The following APOB variants were observed in gnomAD, a reference collection of about 807,000 sequenced individuals.
The protein encoded by APOB is apolipoprotein B, also known as apolipoprotein B-100.
Under a neutral mutation model 314.1 loss-of-function variants are expected in APOB, and 153 were observed. The observed-to-expected ratio is 0.49, with a 90% confidence interval of 0.43 to 0.56. APOB has a LOEUF of 0.56. APOB is among the 20% of genes least tolerant of loss of function. The probability of loss-of-function intolerance (pLI) is 0.00; values close to 1 mark genes in which losing one functional copy is unlikely to be tolerated. For synonymous variants in APOB, 2,087 were observed against 2,036.4 expected (o/e 1.02, Z -0.67); for missense variants, 5,430 against 5,350.7 (o/e 1.01, Z -0.46).
chr2:21,017,508 G>A (rs1403954499), intron 20 of APOB, among the ~76,000 whole-genome samples: 7 of 152,166 alleles, frequency 4.6e-5, no homozygotes, highest in South Asian at 2.1e-4. Context: ...TTGGAGCCAC[G>A]CTGAGTTCTG....
intron 5 of APOB, 55 bp downstream of exon 5, chr2:21,037,902 CT>C (rs1664044616): frequency 6.2e-7 from 1 of 1,602,658 alleles, no homozygotes; most frequent in African/African-American, 1.3e-5. Flanking sequence ...GGACTGGTCT[CT>C]AACACATGAA....
rs564030306 is a variant in APOB at position 21,023,012 on chromosome 2, C to T, written c.2635G>A (p.Val879Met). The change falls in exon 18 of 29, where the codon GTG becomes ATG. Residue 879 changes from valine (V) to methionine (M), a missense_variant. Physicochemically the swap from Val to Met is conservative, Grantham distance 21 (BLOSUM62 1). Coordinates refer to ENST00000233242, the MANE Select transcript of APOB (RefSeq NM_000384.3). ...MQAELVAKPS[V>M]SVEFVTNMGI... ...ATATTTGTCACAAACTCCACAGACACGGAGGGTTTTGCCACCAGTTCAGCC... is the reference window on the plus strand; with the variant it reads ...ATATTTGTCACAAACTCCACAGACATGGAGGGTTTTGCCACCAGTTCAGCC... 32 of 1,614,150 alleles carry T rather than the reference C, an allele frequency of 2.0e-5. No homozygotes were observed. The South Asian group carries it at 2.1e-4, about 11-fold the overall frequency.
intron 14 of APOB, 60 bp downstream of exon 14, chr2:21,027,768 A>T (rs1249073087): frequency 3.0e-6 from 4 of 1,314,808 alleles, no homozygotes; most frequent in South Asian, 1.2e-5. Flanking sequence ...GCTCCCAGGG[A>T]CTCTCTGTTT....
chr2:21,015,471 T>A lies in APOB; in HGVS notation c.3407A>T (p.Glu1136Val). 1 of 1,614,132 alleles carries A rather than the reference T, an allele frequency of 6.2e-7. No homozygotes were observed. Among genetic ancestry groups the A allele is most frequent in the Non-Finnish European group, 8.5e-7 (1 of 1,180,032 alleles). Reference sequence around the variant, plus strand: ...GGCAGGCGACCAGTGGGCGAGGATCTCACTTCTGGCTTCTGCTTGCAAACG... The same window carrying A: ...GGCAGGCGACCAGTGGGCGAGGATCACACTTCTGGCTTCTGCTTGCAAACG... ...IPRLQAEARS[E>V]ILAHWSPAKL... is the part of the protein sequence containing the mutation. The change falls in exon 22 of 29, where the codon GAG becomes GTG. Residue 1136 changes from glutamate (E) to valine (V), a missense_variant. Physicochemically the swap from Glu to Val is moderately radical, Grantham distance 121. This residue lies in a region of APOB where 2,085 missense variants were observed against 2,079.7 expected (regional missense o/e 1.00). Transcript: ENST00000233242.
Position 21,002,765 on chromosome 2 carries a change from C to G in APOB, c.12657G>C (p.Met4219Ile). The change falls in exon 29 of 29, where the codon ATG becomes ATC. Residue 4219 changes from methionine (M) to isoleucine (I), a missense_variant. This residue lies in a region of APOB where 3,281 missense variants were observed against 3,171.0 expected (regional missense o/e 1.03). Transcript: ENST00000233242. ...GTACCGTCCCTACCTCCCTTATGAA[C>G]ATAGTGCAAAGTTCCTCCCTAGTGT... The part of the protein sequence containing the change: ...GIYTREELCT[M>I]FIREVGTVLS... 6.2e-7 allele frequency: 1 copy of G among 1,608,468 alleles called. No homozygotes were observed. Among genetic ancestry groups the G allele is most frequent in the East Asian group, 2.2e-5 (1 of 44,788 alleles).
rs199893862 is a variant in APOB at position 21,019,808 on chromosome 2, C to T, written c.2914G>A (p.Gly972Ser). The T allele has an allele frequency of 1.2e-4, 193 of 1,614,002 alleles. No homozygotes were observed. The highest frequency in any genetic ancestry group is 3.0e-4 in the Admixed American group (18 of 60,002). The change falls in exon 19 of 29, where the codon GGC (glycine) becomes AGC (serine). Residue 972 changes from glycine (G) to serine (S), a missense_variant. Around this residue, in one of 3 missense-constraint regions of APOB, gnomAD observed 2,085 missense variants for 2,079.7 expected, o/e 1.00. Coordinates refer to ENST00000233242, the MANE Select transcript of APOB (RefSeq NM_000384.3). ...GCGCCTGAGGTGCAGTAATTCAGGCCAGGAAAGACTTGCTTGCAAACTGAC... is the reference window on the plus strand; with the variant it reads ...GCGCCTGAGGTGCAGTAATTCAGGCTAGGAAAGACTTGCTTGCAAACTGAC... ...SWSVCKQVFP[G>S]LNYCTSGAYS...
At chr2:21,016,821 A>G (rs1174062017) in intron 20 of APOB, among the ~76,000 whole-genome samples, 172 bp from the exon 21 acceptor site, 1 of 151,960 alleles carries the variant, frequency 6.6e-6, no homozygotes, top group South Asian at 2.1e-4. Flanking sequence ...CGTCTCTACT[A>G]AAAATACAAA....
In APOB at chr2:21,013,157, C is replaced by T. The variant is rs1663374318; in HGVS notation, c.4216+3G>A. ...GTGCACCCTTTACCTGAGCATAGCTCACCTTGCACATTGTAGGAAAGCAGG... is the reference window on the plus strand; with the variant it reads ...GTGCACCCTTTACCTGAGCATAGCTTACCTTGCACATTGTAGGAAAGCAGG... On this transcript the variant is annotated splice_donor_region_variant and intron_variant, in intron 25 of 28. Coordinates refer to ENST00000233242, the MANE Select transcript of APOB (RefSeq NM_000384.3). 6.2e-7 allele frequency: 1 copy of T among 1,613,450 alleles called. No individual in the cohort carries two copies.
At chr2:21,036,432 G>A (rs1389612573) in intron 6 of APOB, among the ~76,000 whole-genome samples, 3 of 152,220 alleles carry the variant, frequency 2.0e-5, no homozygotes, top group African/African-American at 7.2e-5. Flanking sequence ...GCATGACAGT[G>A]ATTGCCCAAG....
At chr2:21,018,738 T>C (rs1663532536) in intron 20 of APOB, among the ~76,000 whole-genome samples, 1 of 152,202 alleles carries the variant, frequency 6.6e-6, no homozygotes, top group South Asian at 2.1e-4. Flanking sequence ...ATTCCAAATA[T>C]TAACTTGTTT....
In APOB at chr2:21,006,965, T is replaced by G. The variant is rs748780242; in HGVS notation, c.9903A>C (p.Ser3301=). 4 of 1,614,020 alleles carry G rather than the reference T, an allele frequency of 2.5e-6. No individual in the cohort carries two copies. The East Asian group carries it at 8.9e-5, about 36-fold the overall frequency. Residue 3301 remains serine (S), a synonymous_variant, in exon 26 of 29, where the codon TCA becomes TCC. Coordinates refer to ENST00000233242, the MANE Select transcript of APOB (RefSeq NM_000384.3). ...GGACATGAAGGACTGGCAGCTCTAA[T>G]GATGGCAGGATTAATGTGTATGAAG... The part of the protein sequence containing the change: ...RVPSYTLILP[S]LELPVLHVPR...
At chr2:21,029,104 G>A (rs921961827) in intron 12 of APOB, among the ~76,000 whole-genome samples, 4 of 152,134 alleles carry the variant, frequency 2.6e-5, no homozygotes, top group African/African-American at 2.4e-5. Context: ...TTTCTCTCAC[G>A]TCACATACTG....
chr2:21,033,420 G>C lies in APOB; in HGVS notation c.1003C>G (p.Leu335Val). ...TGGATATTTTGCTCAGAGATGGTTA[G>C]TTTTTTCAGTTCCTGGAGAGTCTTC... Reference protein sequence around the residue: ...VLKTLQELKKLTISEQNIQRA... With the variant: ...VLKTLQELKKVTISEQNIQRA... The change falls in exon 9 of 29, where the codon CTA (leucine) becomes GTA (valine). Residue 335 changes from leucine to valine, a missense_variant. Leu to Val is a conservative substitution (Grantham distance 32). Around this residue, in one of 3 missense-constraint regions of APOB, gnomAD observed 2,085 missense variants for 2,079.7 expected, o/e 1.00. Transcript: ENST00000233242. The C allele has an allele frequency of 1.2e-6, 2 of 1,614,176 alleles. No individual in the cohort carries two copies. The highest frequency in any genetic ancestry group is 1.7e-6 in the Non-Finnish European group (2 of 1,180,014).
At chr2:21,043,067 C>G (rs958277051) in intron 2 of APOB, among the ~76,000 whole-genome samples, 7 of 148,868 alleles carry the variant, frequency 4.7e-5, no homozygotes, top group Admixed American at 2.7e-4. Flanking sequence ...AAGTCCGCCC[C>G]GCGGCTCCAG....
chr2:21,041,862 T>C (rs12720841), intron 3 of APOB, among the ~76,000 whole-genome samples: 3,884 of 152,316 alleles, frequency 0.025, 133 homozygotes, highest in East Asian at 0.084. Context: ...GCTCCACATG[T>C]ATGTAACATG....
rs778467805 is a variant in APOB, at chr2:21,023,594, C to G, written c.2535G>C (p.Gln845His). 13 of 1,614,212 alleles carry G rather than the reference C, an allele frequency of 8.1e-6. 1 individual carries two copies. The South Asian group carries it at 1.4e-4, about 18-fold the overall frequency. ...TGACTCCAGATGAAGATATTTGCAA[C>G]TGTAATCCAGCTCCAGTGGGGAGTT... ...AFELPTGAGL[Q>H]LQISSSGVIA... Residue 845 changes from glutamine (Q) to histidine (H), a missense_variant, in exon 17 of 29, where the codon CAG becomes CAC. Coordinates refer to ENST00000233242, the MANE Select transcript of APOB (RefSeq NM_000384.3).
chr2:21,006,287 C>G lies in APOB; in HGVS notation c.10581G>C (p.Arg3527=). The change falls in exon 26 of 29, where the codon CGG becomes CGC. Residue 3527 remains arginine, a synonymous_variant. Coordinates refer to ENST00000233242, the MANE Select transcript of APOB (RefSeq NM_000384.3). ...ANTYLNSKST[R]SSVKLQGTSK... ...AAGTGCCCTGCAGCTTCACTGAAGA[C>G]CGTGTGCTCTTGGAATTCAAGTAAG... 6.2e-7 allele frequency: 1 copy of G among 1,614,012 alleles called. No homozygotes were observed. The highest frequency in any genetic ancestry group is 8.5e-7 in the Non-Finnish European group (1 of 1,179,978).
At chr2:21,031,041 C>T (rs907038588) in intron 10 of APOB, among the ~76,000 whole-genome samples, 1 of 152,110 alleles carries the variant, frequency 6.6e-6, no homozygotes, top group African/African-American at 2.4e-5. Flanking sequence ...GAAAACAATA[C>T]AGAGATTTCT....
Position 21,026,980 on chromosome 2 carries a change from A to G in APOB, c.2068-16T>C, listed in dbSNP as rs774199851. On this transcript the variant is annotated splice_polypyrimidine_tract_variant and intron_variant, in intron 14 of 28. Transcript: ENST00000233242. ...CCAAGCCAATCTGAGAAAGAAAATCAGACAAGAAAATGGCATCAGGTTTCT... is the reference window on the plus strand; with the variant it reads ...CCAAGCCAATCTGAGAAAGAAAATCGGACAAGAAAATGGCATCAGGTTTCT... The G allele has an allele frequency of 3.1e-6, 5 of 1,613,832 alleles. No homozygotes were observed. The Middle Eastern group carries it at 4.9e-4, about 159-fold the overall frequency.
Sources: allele counts gnomAD v4.1 joint callset (sites outside exome capture counted in the v4.1 genomes callset), GRCh38; gene constraint gnomAD v4.1.1; regional missense constraint gnomAD v4.1.1; transcripts MANE v1.5; gene names NCBI Gene and HGNC (gene_info 2026-07-23, HGNC 2026-07-21).